The following GPC5 variants were observed in gnomAD, a reference collection of about 807,000 sequenced individuals.
GPC5 encodes glypican 5.
A neutral mutation model predicts 53.9 loss-of-function variants in GPC5; 47 were observed. The ratio of observed to expected loss-of-function variants is 0.87; its 90% CI spans 0.69 to 1.11. The LOEUF is 1.11. Ranked by LOEUF, GPC5 falls within the 50% of genes most tolerant of loss-of-function variation. The probability of loss-of-function intolerance (pLI) is 0.00; values close to 1 mark genes in which losing one functional copy is unlikely to be tolerated. For synonymous variants in GPC5, 286 were observed against 263.3 expected, an observed-to-expected ratio of 1.09 and a Z score of -0.84; for missense variants, 748 against 713.1, an observed-to-expected ratio of 1.05 and a Z score of -0.56.
At chr13:92,371,341 A>G (rs2139294523) in intron 7 of GPC5, among the ~76,000 whole-genome samples, 1 of 152,290 alleles carries the variant, frequency 6.6e-6, no homozygotes, top group Middle Eastern at 3.4e-3. Context: ...ATTACATGGC[A>G]AAGGGATTTT....
chr13:91,953,736 G>C (rs1594684785), intron 6 of GPC5, among the ~76,000 whole-genome samples: 1 of 152,146 alleles, frequency 6.6e-6, no homozygotes, highest in East Asian at 1.9e-4. Context: ...TCCATTTCTT[G>C]GTTTATAAAT....
intron 6 of GPC5, among the ~76,000 whole-genome samples, chr13:91,925,819 T>C (rs1447991123): frequency 6.6e-6 from 1 of 152,158 alleles, no homozygotes; most frequent in Non-Finnish European, 1.5e-5. Context: ...TGATTTAGTC[T>C]CAGAGAATTA....
intron 7 of GPC5, among the ~76,000 whole-genome samples, chr13:92,317,913 G>A (rs1039485907): frequency 6.6e-6 from 1 of 152,134 alleles, no homozygotes; most frequent in Non-Finnish European, 1.5e-5. Flanking sequence ...AGCATTTCAA[G>A]TTTAACAAAC....
intron 5 of GPC5, among the ~76,000 whole-genome samples, chr13:91,793,869 C>T (rs895294548): frequency 1.3e-5 from 2 of 152,064 alleles, no homozygotes; most frequent in African/African-American, 2.4e-5. Flanking sequence ...GGGAAACCAC[C>T]CCCATGATCC....
chr13:91,886,903 A>G (rs1244688840), intron 5 of GPC5, among the ~76,000 whole-genome samples: 1 of 152,082 alleles, frequency 6.6e-6, no homozygotes, highest in African/African-American at 2.4e-5. Context: ...TTTCCAGGTA[A>G]ACAGTGTAAG....
intron 2 of GPC5, among the ~76,000 whole-genome samples, chr13:91,643,900 A>G (rs891690137): frequency 6.6e-6 from 1 of 152,138 alleles, no homozygotes; most frequent in South Asian, 2.1e-4. Flanking sequence ...GTTTGCAAAA[A>G]GGTCACATTT....
chr13:92,721,841 G>T (rs996751347), intron 7 of GPC5, among the ~76,000 whole-genome samples: 1 of 151,856 alleles, frequency 6.6e-6, no homozygotes. Flanking sequence ...GGTTTAATGA[G>T]GCAAGGAAAA....
Position 92,312,648 on chromosome 13 carries a change from T to C in GPC5, c.1561+167659T>C, listed in dbSNP as rs532290136. 1.2e-4 allele frequency among the ~76,000 whole-genome samples: 18 copies of C among 152,306 alleles called. No homozygotes were observed. In the South Asian group the frequency reaches 3.5e-3, roughly 30 times the overall value. On this transcript the variant is annotated intron_variant, in intron 7 of 7. Coordinates refer to ENST00000377067, the MANE Select transcript of GPC5 (RefSeq NM_004466.6). ...CCTCTAAAATTTCTTTCAAAATTCA[T>C]CATAAAATTGTCATTTGTTGACATA...
At chr13:91,454,169 C>T (rs1400461911) in intron 2 of GPC5, among the ~76,000 whole-genome samples, 7 of 152,002 alleles carry the variant, frequency 4.6e-5, no homozygotes, top group Non-Finnish European at 2.9e-5. Context: ...GAATCGGCGT[C>T]AACAGGCTTA....
chr13:92,768,720 C>T (rs1015655182), intron 7 of GPC5, among the ~76,000 whole-genome samples: 1 of 151,690 alleles, frequency 6.6e-6, no homozygotes, highest in Admixed American at 6.6e-5. Flanking sequence ...TGACTCTCTT[C>T]CCCCTGTCTT....
At chr13:91,700,268 G>A (rs2035965641) in intron 3 of GPC5, among the ~76,000 whole-genome samples, 1 of 152,172 alleles carries the variant, frequency 6.6e-6, no homozygotes, top group Non-Finnish European at 1.5e-5. Flanking sequence ...TTCTTTAGGG[G>A]CAGGTAACAA....
At position 92,662,590 on chromosome 13, in the gene GPC5, T is replaced by C. The variant is rs559343522; in HGVS notation, c.1562-203692T>C. Among the ~76,000 whole-genome samples the C allele has an allele frequency of 5.3e-5, 8 of 152,248 alleles. No individual in the cohort carries two copies. The South Asian group carries it at 1.7e-3, about 32-fold the overall frequency. ...AGCCAGCCACTCAAAATTTATTGAGTGCCTACATGATTTTTTCCTTTGGAT... is the reference window on the plus strand; with the variant it reads ...AGCCAGCCACTCAAAATTTATTGAGCGCCTACATGATTTTTTCCTTTGGAT... On this transcript the variant is annotated intron_variant, in intron 7 of 7. Coordinates refer to ENST00000377067, the MANE Select transcript of GPC5 (RefSeq NM_004466.6).
intron 7 of GPC5, among the ~76,000 whole-genome samples, chr13:92,662,727 A>G (rs1450311276): frequency 6.6e-6 from 1 of 152,158 alleles, no homozygotes; most frequent in Non-Finnish European, 1.5e-5. Context: ...AAAGATACTC[A>G]CCAAAGTCCC....
At position 92,381,897 on chromosome 13, in the gene GPC5, A is replaced by ATATCATATATATCATAT. The variant is rs1218262542; in HGVS notation, c.1561+236908_1561+236909insTATCATATATATCATAT. On this transcript the variant is annotated intron_variant, in intron 7 of 7. Coordinates refer to ENST00000377067, the MANE Select transcript of GPC5 (RefSeq NM_004466.6). ...ATATATGATTATATATATTATATAT[A>ATATCATATATATCATAT]ATCATATATATGATATATATAATCA... Among the ~76,000 whole-genome samples the ATATCATATATATCATAT allele has an allele frequency of 4.9e-5, 5 of 101,320 alleles. 1 individual carries two copies. The South Asian group carries it at 1.4e-3, about 29-fold the overall frequency. 66.5% of individuals were successfully genotyped at this position (101,320 alleles called of 152,430 possible). A position where few individuals can be genotyped will look rare whatever the true frequency, so the allele number is the denominator to read the frequency against.
chr13:91,844,856 G>T (rs1453750535), intron 5 of GPC5, among the ~76,000 whole-genome samples: 1 of 152,050 alleles, frequency 6.6e-6, no homozygotes, highest in Non-Finnish European at 1.5e-5. Context: ...CTCCTGAGTA[G>T]CTGGGATTAC....
At chr13:91,738,574 T>A (rs771764708) in intron 4 of GPC5, among the ~76,000 whole-genome samples, 1 of 151,402 alleles carries the variant, frequency 6.6e-6, no homozygotes, top group Non-Finnish European at 1.5e-5. Context: ...TTCTCTTTAC[T>A]GCATGTCTTT....
chr13:91,403,099 A>G (rs973996417), intron 1 of GPC5, among the ~76,000 whole-genome samples: 1 of 152,172 alleles, frequency 6.6e-6, no homozygotes, highest in South Asian at 2.1e-4. Context: ...TTGCGACTCT[A>G]TTTCTCATGA....
chr13:91,934,785 A>G (rs1311583887), intron 6 of GPC5, among the ~76,000 whole-genome samples: 1 of 151,924 alleles, frequency 6.6e-6, no homozygotes, highest in African/African-American at 2.4e-5. Context: ...ACCCCAGATG[A>G]TATCACTTCC....
At chr13:92,445,298 T>TTTTTTG (rs1555335686) in intron 7 of GPC5, among the ~76,000 whole-genome samples, 127 of 130,128 alleles carry the variant, frequency 9.8e-4, no homozygotes, top group African/African-American at 3.7e-3. Context: ...TTTGTGATTT[T>TTTTTTG]TTTTGTTTTA....
Sources: gnomAD v4.1 joint callset for allele counts (sites outside exome capture counted in the v4.1 genomes callset) on GRCh38, gnomAD v4.1.1 for gene constraint, MANE v1.5 for transcripts, NCBI Gene and HGNC (gene_info 2026-07-23, HGNC 2026-07-21) for gene names.